PRDM5: variants seen among roughly 807,000 people sequenced by gnomAD.
PRDM5 encodes the protein PR domain zinc finger protein 5.
PRDM5 carries 56 observed loss-of-function variants against 81.2 expected under a neutral mutation model. That is an observed-to-expected ratio of 0.69 (90% CI 0.56 to 0.86). The LOEUF (loss-of-function observed/expected upper bound fraction) is 0.86. Ranked by LOEUF, PRDM5 falls within the 40% of genes least tolerant of loss-of-function variation. The pLI is 0.00. For missense variants in PRDM5, 697 were observed against 770.1 expected (o/e 0.91, Z 1.12); for synonymous variants, 267 against 256.4 (o/e 1.04, Z -0.39).
intron 2 of PRDM5, among the ~76,000 whole-genome samples, chr4:120,854,385 A>G (rs968030258): frequency 5.9e-5 from 9 of 152,302 alleles, no homozygotes; most frequent in African/African-American, 2.2e-4. Flanking sequence ...ATCCAGAAAA[A>G]AAAGGAAAGG....
At chr4:120,781,081 C>T in intron 12 of PRDM5, 62 bp downstream of exon 12, 1 of 1,387,824 alleles carries the variant, frequency 7.2e-7, no homozygotes, top group Non-Finnish European at 1.0e-6. Flanking sequence ...TGTTAGTTAA[C>T]ATATATACCC....
At chr4:120,684,337 G>A (rs1733760412), downstream of PRDM5, among the ~76,000 whole-genome samples, 1 of 147,142 alleles carries the variant, frequency 6.8e-6, no homozygotes, top group African/African-American at 2.4e-5. Context: ...CGTCAGATAA[G>A]CACTTCCTTG....
intron 14 of PRDM5, among the ~76,000 whole-genome samples, chr4:120,736,191 C>T (rs1433875142): frequency 7.5e-6 from 1 of 132,454 alleles, no homozygotes; most frequent in African/African-American, 2.9e-5. Context: ...TGCTTGAATA[C>T]TATCCTTTTG....
chr4:120,712,936 T>G lies in PRDM5; in HGVS notation c.1624-2523A>C, dbSNP rs529515194. ...TGAAAAAATCTTGTACACTTGAATA[T>G]AGGTGAAAGCAATTCTCTAAGGCAT... is the stretch of plus-strand genomic sequence containing the variant. On this transcript the variant is annotated intron_variant, in intron 14 of 15. Transcript: ENST00000264808. Among the ~76,000 whole-genome samples the G allele has an allele frequency of 5.3e-5, 8 of 152,332 alleles. No homozygotes were observed. The East Asian group carries it at 1.5e-3, about 29-fold the overall frequency.
intron 8 of PRDM5, among the ~76,000 whole-genome samples, chr4:120,805,121 G>A (rs1752719440): frequency 1.3e-5 from 2 of 152,054 alleles, no homozygotes; most frequent in African/African-American, 4.8e-5. Flanking sequence ...TACATTCCTC[G>A]ACACATACAC....
At chr4:120,902,868 A>G (rs1189357376) in intron 2 of PRDM5, among the ~76,000 whole-genome samples, 10 of 152,130 alleles carry the variant, frequency 6.6e-5, no homozygotes, top group African/African-American at 1.2e-4. Flanking sequence ...GTGGCAGTAG[A>G]TATTATTAGT....
At chr4:120,894,817 T>C (rs1199169160) in intron 2 of PRDM5, among the ~76,000 whole-genome samples, 1 of 152,162 alleles carries the variant, frequency 6.6e-6, no homozygotes. Context: ...AGAGCTCAAG[T>C]CATCACTAGA....
intron 14 of PRDM5, among the ~76,000 whole-genome samples, chr4:120,744,985 G>A (rs1742761996): frequency 1.4e-5 from 2 of 147,686 alleles, no homozygotes; most frequent in African/African-American, 5.1e-5. Flanking sequence ...CCAAAAAAGA[G>A]AATTTTAGAC....
intron 10 of PRDM5, among the ~76,000 whole-genome samples, chr4:120,795,936 T>C (rs13124620): frequency 0.39 from 59,039 of 151,988 alleles, 11,643 homozygotes; most frequent in East Asian, 0.5. Flanking sequence ...AATTTCTGTA[T>C]ATGCTATCAT....
intron 2 of PRDM5, among the ~76,000 whole-genome samples, chr4:120,876,066 T>G (rs1762304616): frequency 6.6e-6 from 1 of 152,088 alleles, no homozygotes; most frequent in Non-Finnish European, 1.5e-5. Flanking sequence ...CCAGAAACAC[T>G]AGGTGAATGA....
At chr4:120,727,240 C>T (rs1404037180) in intron 14 of PRDM5, among the ~76,000 whole-genome samples, 1 of 152,008 alleles carries the variant, frequency 6.6e-6, no homozygotes, top group East Asian at 1.9e-4. Context: ...CATTCATTCA[C>T]CGAATAGAAG....
intron 2 of PRDM5, among the ~76,000 whole-genome samples, chr4:120,907,244 G>C (rs1190483916): frequency 6.7e-6 from 1 of 149,944 alleles, no homozygotes; most frequent in Non-Finnish European, 1.5e-5. Context: ...TAAGGCAGGA[G>C]AATCGCTTGA....
intron 14 of PRDM5, among the ~76,000 whole-genome samples, chr4:120,725,397 C>T (rs1739253683): frequency 6.6e-6 from 1 of 151,904 alleles, no homozygotes; most frequent in Non-Finnish European, 1.5e-5. Context: ...TACTTCACAC[C>T]TCTGCAAAAC....
Position 120,695,372 on chromosome 4 carries a change from G to C in PRDM5, c.1729-97C>G, listed in dbSNP as rs1051664283. 7 of 1,341,240 alleles carry C rather than the reference G, an allele frequency of 5.2e-6. No homozygotes were observed. In the Admixed American group the frequency reaches 1.3e-4, roughly 25 times the overall value. The allele number at this position is 1,341,240 out of a possible 1,614,324, so 83.1% of individuals were successfully genotyped here. ...CACTATTGGCAAAGAAAATTAATAAGTTACTGCATTTAATCGGTGTCCTTT... is the reference window on the plus strand; with the variant it reads ...CACTATTGGCAAAGAAAATTAATAACTTACTGCATTTAATCGGTGTCCTTT... On this transcript the variant is annotated intron_variant, in intron 15 of 15. Coordinates refer to ENST00000264808, the MANE Select transcript of PRDM5 (RefSeq NM_018699.4).
At position 120,861,753 on chromosome 4, in the gene PRDM5, G is replaced by A. The variant is rs569009400; in HGVS notation, c.178-8213C>T. Among the ~76,000 whole-genome samples, 13 of 151,444 alleles carry A rather than the reference G, an allele frequency of 8.6e-5. No individual in the cohort carries two copies. The South Asian group carries it at 1.3e-3, about 15-fold the overall frequency. ...GTGAAAGCTGCAGCGAGCCAAGATCGTGCCACTGCACTCCAGCCTAGGTGA... is the reference window on the plus strand; with the variant it reads ...GTGAAAGCTGCAGCGAGCCAAGATCATGCCACTGCACTCCAGCCTAGGTGA... On this transcript the variant is annotated intron_variant, in intron 2 of 15. Coordinates refer to ENST00000264808, the MANE Select transcript of PRDM5 (RefSeq NM_018699.4).
intron 8 of PRDM5, among the ~76,000 whole-genome samples, chr4:120,804,732 C>T (rs1314104790): frequency 2.0e-5 from 3 of 152,088 alleles, no homozygotes; most frequent in African/African-American, 4.8e-5. Flanking sequence ...GCATTAAATG[C>T]CCACAAGAGA....
intron 2 of PRDM5, among the ~76,000 whole-genome samples, chr4:120,855,083 T>C (rs868245946): frequency 5.4e-4 from 82 of 152,228 alleles, no homozygotes; most frequent in African/African-American, 1.9e-3. Context: ...GGTACAGTTA[T>C]TTTTACCCAA....
intron 14 of PRDM5, among the ~76,000 whole-genome samples, chr4:120,713,695 C>T (rs543227610): frequency 1.1e-4 from 16 of 152,244 alleles, no homozygotes; most frequent in South Asian, 6.2e-4. Context: ...TACTGTAGAA[C>T]GATCCTCTTA....
chr4:120,875,808 C>G (rs1227513086), intron 2 of PRDM5, among the ~76,000 whole-genome samples: 1 of 152,096 alleles, frequency 6.6e-6, no homozygotes, highest in Non-Finnish European at 1.5e-5. Context: ...CCAAAAAATT[C>G]TTTTTCACAG....
Sources: gnomAD v4.1 joint callset for allele counts (sites outside exome capture counted in the v4.1 genomes callset) on GRCh38, gnomAD v4.1.1 for gene constraint, MANE v1.5 for transcripts, NCBI Gene and HGNC (gene_info 2026-07-23, HGNC 2026-07-21) for gene names.